CFAP92: variants seen among roughly 807,000 people sequenced by gnomAD.
The protein encoded by CFAP92 is cilia and flagella associated protein 92 (putative), also known as uncharacterized protein CFAP92.
In CFAP92, 86 loss-of-function variants were observed where a neutral mutation model predicts 106.3. The ratio of observed to expected loss-of-function variants is 0.81; its 90% CI spans 0.68 to 0.97. The LOEUF (loss-of-function observed/expected upper bound fraction) is 0.97. CFAP92 is among the 50% of genes least tolerant of loss of function. The probability of loss-of-function intolerance (pLI) is 0.00; values close to 1 mark genes in which losing one functional copy is unlikely to be tolerated. For missense variants in CFAP92, 1,204 were observed against 1,283.8 expected (o/e 0.94, Z 0.95); for synonymous variants, 477 against 506.4 (o/e 0.94, Z 0.78).
chr3:129,023,310 C>CT, the CFAP92 span, among the ~76,000 whole-genome samples: 38,257 of 138,134 alleles, frequency 0.28, 5,523 homozygotes, highest in Middle Eastern at 0.4. Context: ...CCTCTTGCTT[C>CT]TTTTTTTTTT....
chr3:128,940,373 G>A (rs1400646906), intron 10 of CFAP92, among the ~76,000 whole-genome samples: 1 of 152,110 alleles, frequency 6.6e-6, no homozygotes, highest in African/African-American at 2.4e-5. Context: ...GGTCATATGG[G>A]AACTCTGTGT....
rs1047944113 is a variant in CFAP92 at position 129,002,330 on chromosome 3, C to T, written n.117+244G>A. 2.6e-6 allele frequency: 4 copies of T among 1,511,922 alleles called. No individual in the cohort carries two copies. In the Admixed American group the frequency reaches 8.4e-5, roughly 32 times the overall value. The allele number at this position is 1,511,922 out of a possible 1,614,324, so 93.7% of individuals were successfully genotyped here. On this transcript the variant is annotated intron_variant and non_coding_transcript_variant, in intron 1 of 4. Transcript: ENST00000510149. Reference sequence around the variant, plus strand: ...CGCGCTGCCTAGCACTGCAGGTGCGCGCCGGCCACGAAGGGAGGGTGGTAA... The same window carrying T: ...CGCGCTGCCTAGCACTGCAGGTGCGTGCCGGCCACGAAGGGAGGGTGGTAA...
At chr3:128,931,897 A>C (rs572099523) in intron 12 of CFAP92, among the ~76,000 whole-genome samples, 94 of 152,236 alleles carry the variant, frequency 6.2e-4, no homozygotes, top group African/African-American at 2.2e-3. Flanking sequence ...GTGGTGGCGC[A>C]TGCCTGCCTA....
intron 15 of CFAP92, chr3:128,912,481 C>T: frequency 6.3e-7 from 1 of 1,594,588 alleles, no homozygotes; most frequent in East Asian, 2.2e-5. Flanking sequence ...GAAAGATCAC[C>T]CACCATCTCT....
intron 2 of CFAP92, among the ~76,000 whole-genome samples, chr3:128,989,243 C>A (rs1368971612): frequency 1.3e-5 from 2 of 148,936 alleles, no homozygotes; most frequent in East Asian, 2.0e-4. Context: ...TTAGGAGAGA[C>A]GCCATACTTG....
chr3:128,996,291 A>C (rs1944478064), upstream of CFAP92, among the ~76,000 whole-genome samples: 1 of 152,232 alleles, frequency 6.6e-6, no homozygotes, highest in South Asian at 2.1e-4. Context: ...TGTCTCCATC[A>C]TGAGAAATTG....
upstream of CFAP92, among the ~76,000 whole-genome samples, chr3:128,995,302 G>A (rs1043677508): frequency 2.0e-5 from 3 of 152,122 alleles, no homozygotes; most frequent in Non-Finnish European, 2.9e-5. Context: ...AATACTCCTC[G>A]GGTTCAGTCT....
the CFAP92 span, among the ~76,000 whole-genome samples, chr3:129,010,684 A>G: frequency 0.16 from 24,925 of 152,036 alleles, 6,054 homozygotes; most frequent in African/African-American, 0.53. This position sits in a 1 kb window ranked among gnomAD's most constrained non-coding sequence, Gnocchi z 4.3. Context: ...GGAGGGAGGC[A>G]GATGAGTGGG....
At chr3:129,001,930 G>A (rs1406431611) in intron 1 of CFAP92, 1 of 1,541,022 alleles carries the variant, frequency 6.5e-7, no homozygotes, top group Admixed American at 2.0e-5. Context: ...CAGGCAGCAG[G>A]TGACGGGAAC....
intron 8 of CFAP92, chr3:128,966,593 C>CA (rs1942384930): frequency 7.1e-6 from 1 of 141,482 alleles, no homozygotes; most frequent in Non-Finnish European, 1.5e-5. Flanking sequence ...TTTTTTGAGA[C>CA]AGAGTCTTGC....
chr3:128,993,926 C>T, intron 1 of CFAP92, 54 bp downstream of exon 1: 2 of 982,944 alleles, frequency 2.0e-6, no homozygotes, highest in African/African-American at 1.7e-5. Flanking sequence ...TCCCGGGCTG[C>T]GGCGGCCGAG....
At chr3:128,994,357 G>C (rs1944400541), upstream of CFAP92, among the ~76,000 whole-genome samples, 1 of 152,196 alleles carries the variant, frequency 6.6e-6, no homozygotes, top group Non-Finnish European at 1.5e-5. Flanking sequence ...TGGGAGGTAG[G>C]GGTTGATGGC....
At chr3:128,956,212 AAAT>A (rs1168939343) in intron 9 of CFAP92, among the ~76,000 whole-genome samples, 87 of 91,426 alleles carry the variant, frequency 9.5e-4, no homozygotes, top group African/African-American at 8.5e-3. Context: ...AAAAATAAAA[AAAT>A]AAAAAAAAAA....
rs547416635 is a variant in CFAP92, at chr3:128,993,959, C to A, written c.-33+21G>T. ...GAGGTGGGGGCAGGGGTCGGGGTTCCCCTCCAGGTGCTGGCGGTACCTGCG... is the reference window on the plus strand; with the variant it reads ...GAGGTGGGGGCAGGGGTCGGGGTTCACCTCCAGGTGCTGGCGGTACCTGCG... On this transcript the variant is annotated intron_variant, in intron 1 of 15. Coordinates refer to ENST00000645291, the MANE Select transcript of CFAP92 (RefSeq NM_001394090.1). 3.0e-4 allele frequency: 301 copies of A among 987,726 alleles called. No homozygotes were observed. In the African/African-American group the frequency reaches 4.8e-3, roughly 16 times the overall value. The allele number at this position is 987,726 out of a possible 1,614,324, so 61.2% of individuals were successfully genotyped here.
At chr3:128,944,920 G>T in intron 10 of CFAP92, 151 bp downstream of exon 10, 1 of 707,582 alleles carries the variant, frequency 1.4e-6, no homozygotes, top group Non-Finnish European at 2.3e-6. Context: ...CAAGTCCAAT[G>T]ACTAAACCCT....
chr3:128,917,424 C>T (rs1936909973), intron 12 of CFAP92, among the ~76,000 whole-genome samples: 1 of 152,164 alleles, frequency 6.6e-6, no homozygotes, highest in Non-Finnish European at 1.5e-5. Flanking sequence ...ATGCTTATTA[C>T]AGGGAAAGCA....
intron 12 of CFAP92, among the ~76,000 whole-genome samples, chr3:128,928,097 C>CA (rs1374538312): frequency 6.6e-6 from 1 of 151,890 alleles, no homozygotes; most frequent in Non-Finnish European, 1.5e-5. Context: ...CTAAAAAATA[C>CA]AAAAAATTAG....
Position 128,909,904 on chromosome 3 carries a change from C to G in CFAP92, c.*395G>C. On this transcript the variant is annotated 3_prime_UTR_variant, in exon 16 of 16. Transcript: ENST00000645291. ...AACCTGAAGAGAAAGGTGTTATTGA[C>G]TCCACTTTCTCAAGGAACACAGGAG... is the stretch of plus-strand genomic sequence containing the variant. 7.0e-7 allele frequency: 1 copy of G among 1,420,346 alleles called. No individual in the cohort carries two copies. The highest frequency in any genetic ancestry group is 9.8e-7 in the Non-Finnish European group (1 of 1,023,782). The allele number at this position is 1,420,346 out of a possible 1,614,324, so 88.0% of individuals were successfully genotyped here.
intron 8 of CFAP92, among the ~76,000 whole-genome samples, chr3:128,966,196 TC>T (rs888817782): frequency 2.0e-5 from 3 of 152,234 alleles, no homozygotes; most frequent in Non-Finnish European, 2.9e-5. Flanking sequence ...AAAATGCACT[TC>T]CTTCCCCACA....
Sources: allele counts gnomAD v4.1 joint callset (sites outside exome capture counted in the v4.1 genomes callset), GRCh38; gene constraint gnomAD v4.1.1; non-coding constraint Gnocchi (gnomAD v3.1); transcripts MANE v1.5; gene names NCBI Gene and HGNC (gene_info 2026-07-23, HGNC 2026-07-21).